WDR12: variants seen among roughly 807,000 people sequenced by gnomAD.
WDR12 encodes the protein WD repeat domain 12, also known as ribosome biogenesis protein WDR12.
Under a neutral mutation model 64.3 loss-of-function variants are expected in WDR12, and 42 were observed. The ratio of observed to expected loss-of-function variants is 0.65; its 90% confidence interval spans 0.51 to 0.84. The LOEUF (loss-of-function observed/expected upper bound fraction) is 0.84, where lower values mean the gene tolerates loss of function less well. Ranked by LOEUF, WDR12 falls within the 40% of genes least tolerant of loss-of-function variation. WDR12 has a pLI of 0.00. For synonymous variants in WDR12, 158 were observed against 173.3 expected (o/e 0.91, Z 0.70); for missense variants, 469 against 494.6 (o/e 0.95, Z 0.49).
chr2:202,899,603 T>A lies in WDR12; in HGVS notation c.266A>T (p.Tyr89Phe). Residue 89 changes from tyrosine to phenylalanine, a missense_variant, in exon 4 of 13, where the codon TAT (tyrosine) becomes TTT (phenylalanine). Physicochemically the swap from Tyr to Phe is conservative, Grantham distance 22. Transcript: ENST00000261015. ...GCATTGCTCTGGCTGGGGTGCAGTA[T>A]ACTTCTCCACGTATTCTATTTCCAC... ...EVVEIEYVEK[Y>F]TAPQPEQCMF... is the part of the protein sequence containing the mutation. 1 of 1,614,182 alleles carries A rather than the reference T, an allele frequency of 6.2e-7. No individual in the cohort carries two copies. Among genetic ancestry groups the A allele is most frequent in the Non-Finnish European group, 8.5e-7 (1 of 1,180,006 alleles).
In WDR12 at chr2:202,900,972, C is replaced by T. The variant is rs369823642; in HGVS notation, c.231+53G>A. The T allele has an allele frequency of 3.6e-4, 531 of 1,464,836 alleles. 4 individuals are homozygous for T. In the African/African-American group the frequency reaches 6.6e-3, roughly 18 times the overall value. 90.7% of individuals were successfully genotyped at this position (1,464,836 alleles called of 1,614,324 possible). A position where few individuals can be genotyped will look rare whatever the true frequency, so the allele number is the denominator to read the frequency against. ...TGTGATTCTAAAAGGAGTTTACCTA[C>T]AATAGCCGATAATGCCTCAAGTGAA... On this transcript the variant is annotated intron_variant, in intron 3 of 12. Coordinates refer to ENST00000261015, the MANE Select transcript of WDR12 (RefSeq NM_018256.4).
In WDR12 at chr2:202,901,620, C is replaced by T. The variant is rs115500642; in HGVS notation, c.137-501G>A. 3.2e-3 allele frequency among the ~76,000 whole-genome samples: 488 copies of T among 152,308 alleles called. 4 individuals carry two copies. Among genetic ancestry groups the T allele is most frequent in the African/African-American group, 0.011 (470 of 41,564 alleles). ...ACAGTGAGCTTTCAAAAATCAGCATCCATAATCCATACATTATATTTGATT... is the reference window on the plus strand; with the variant it reads ...ACAGTGAGCTTTCAAAAATCAGCATTCATAATCCATACATTATATTTGATT... On this transcript the variant is annotated intron_variant, in intron 2 of 12. Transcript: ENST00000261015.
At chr2:202,884,145 G>A (rs1688003744) in intron 10 of WDR12, 53 bp downstream of exon 10, 5 of 1,558,702 alleles carry the variant, frequency 3.2e-6, no homozygotes, top group Non-Finnish European at 3.5e-6. Context: ...CCAGAGAGAT[G>A]AGAAATAGAT....
At chr2:202,909,780 T>C (rs1014415618) in intron 1 of WDR12, among the ~76,000 whole-genome samples, 1 of 151,508 alleles carries the variant, frequency 6.6e-6, no homozygotes, top group African/African-American at 2.4e-5. Context: ...AGCAAGAATT[T>C]TATTATTTAT....
At chr2:202,904,138 C>CAA (rs34378996) in intron 2 of WDR12, among the ~76,000 whole-genome samples, 12 of 38,526 alleles carry the variant, frequency 3.1e-4, no homozygotes, top group South Asian at 1.1e-3. Context: ...AACTCTGTCT[C>CAA]AAAAAAAAAA....
rs775125897 is a variant in WDR12, at chr2:202,901,050, T to C, written c.206A>G (p.His69Arg). 1 of 1,594,848 alleles carries C rather than the reference T, an allele frequency of 6.3e-7. No individual in the cohort carries two copies. The highest frequency in any genetic ancestry group is 8.6e-7 in the Non-Finnish European group (1 of 1,166,662). The change falls in exon 3 of 13, where the codon CAC becomes CGC. Residue 69 changes from histidine to arginine, a missense_variant. Transcript: ENST00000261015. ...TGATGAGATGTTCTCCATTTCCATGTGTTTGTCCAAGGGCATTCGCAGAAA... is the reference window on the plus strand; with the variant it reads ...TGATGAGATGTTCTCCATTTCCATGCGTTTGTCCAAGGGCATTCGCAGAAA... ...GQFLRMPLDK[H>R]MEMENISSEE...
In WDR12 at chr2:202,894,593, T is replaced by A. The variant is rs1389505742; in HGVS notation, c.643A>T (p.Ile215Phe). The change falls in exon 7 of 13, where the codon ATC becomes TTC. Residue 215 changes from isoleucine (I) to phenylalanine (F), a missense_variant. Ile to Phe is a conservative substitution (Grantham distance 21). Coordinates refer to ENST00000261015, the MANE Select transcript of WDR12 (RefSeq NM_018256.4). ...CSGSWDKMLK[I>F]WSTVPTDEED... The stretch of plus-strand genomic sequence containing the variant: ...ATATTTAATTTACCTGTAGACCAGA[T>A]CTTTAGCATCTTATCCCAGGAGCCA... The A allele has an allele frequency of 6.2e-7, 1 of 1,606,606 alleles. No individual in the cohort carries two copies. Among genetic ancestry groups the A allele is most frequent in the Non-Finnish European group, 8.5e-7 (1 of 1,177,014 alleles).
intron 8 of WDR12, among the ~76,000 whole-genome samples, chr2:202,891,994 A>G (rs1688164540): frequency 1.3e-5 from 2 of 152,214 alleles, no homozygotes; most frequent in African/African-American, 4.8e-5. Flanking sequence ...AATGTACAGC[A>G]TGGGTGGTGA....
intron 1 of WDR12, 105 bp downstream of exon 1, chr2:202,911,331 G>C (rs759056846): frequency 3.6e-6 from 4 of 1,105,736 alleles, no homozygotes; most frequent in Admixed American, 1.8e-5. Context: ...TCAGAAAAAA[G>C]GGTGGGGGTG....
chr2:202,883,634 T>C lies in WDR12; in HGVS notation c.1096A>G (p.Ile366Val). 2 of 1,614,076 alleles carry C rather than the reference T, an allele frequency of 1.2e-6. No homozygotes were observed. The highest frequency in any genetic ancestry group is 8.5e-7 in the Non-Finnish European group (1 of 1,180,000). Residue 366 changes from isoleucine (I) to valine (V), a missense_variant, in exon 11 of 13, where the codon ATT becomes GTT. By Grantham distance (29) the Ile-to-Val change is conservative (BLOSUM62 3). Coordinates refer to ENST00000261015, the MANE Select transcript of WDR12 (RefSeq NM_018256.4). ...QQLISGSLDN[I>V]VKLWDTRSCK... ...CTTCTTGTATCCCACAGCTTAACAA[T>C]GTTATCTAAAGATCCTGAAATCAGC... is the stretch of plus-strand genomic sequence containing the variant.
chr2:202,887,074 G>C (rs951905283), intron 8 of WDR12, among the ~76,000 whole-genome samples: 10 of 152,138 alleles, frequency 6.6e-5, no homozygotes, highest in African/African-American at 2.4e-4. Context: ...GCCCAGGCTA[G>C]AGTGCAATGC....
intron 8 of WDR12, among the ~76,000 whole-genome samples, chr2:202,886,032 G>C (rs1688040662): frequency 1.3e-5 from 2 of 152,054 alleles, no homozygotes; most frequent in Admixed American, 1.3e-4. Context: ...ACTCCAGCCA[G>C]GCCCACTCCT....
chr2:202,890,062 AC>A (rs1688122988), intron 8 of WDR12, among the ~76,000 whole-genome samples: 1 of 151,530 alleles, frequency 6.6e-6, no homozygotes, highest in Non-Finnish European at 1.5e-5. Context: ...CCCAATATCT[AC>A]AAAAAAAAAG....
rs1239322500 is a variant in WDR12 at position 202,911,426 on chromosome 2, G to C, written c.41+10C>G. ...TGGGGAAGGGAGAGAAGGCTGGAAC[G>C]CTTACTTACTTCTTGTTATCAGTGT... On this transcript the variant is annotated intron_variant, in intron 1 of 12. Transcript: ENST00000261015. The C allele has an allele frequency of 1.1e-5, 17 of 1,613,812 alleles. No individual in the cohort carries two copies. The highest frequency in any genetic ancestry group is 1.4e-5 in the Non-Finnish European group (16 of 1,179,850).
At chr2:202,882,587 C>A in intron 12 of WDR12, 124 bp downstream of exon 12, 1 of 919,080 alleles carries the variant, frequency 1.1e-6, no homozygotes, top group Non-Finnish European at 1.7e-6. Context: ...CTTGGCCTCC[C>A]AAAGTGCTGC....
Position 202,877,020 on chromosome 2 carries a change from T to C in WDR12, c.*3840A>G, listed in dbSNP as rs1402921851. ...TATATATAGTAAACTGTTACCTTTT[T>C]TTCAAAACTACGATACATCAAAAGA... is the stretch of plus-strand genomic sequence containing the variant. On this transcript the variant is annotated 3_prime_UTR_variant, in exon 13 of 13. Coordinates refer to ENST00000261015, the MANE Select transcript of WDR12 (RefSeq NM_018256.4). 6.6e-6 allele frequency: 1 copy of C among 152,100 alleles called. No individual in the cohort carries two copies. The highest frequency in any genetic ancestry group is 1.5e-5 in the Non-Finnish European group (1 of 68,026). The allele number at this position is 152,100 out of a possible 1,614,324, so 9.4% of individuals were successfully genotyped here. A position where few individuals can be genotyped will look rare whatever the true frequency, so the allele number is the denominator to read the frequency against.
intron 4 of WDR12, among the ~76,000 whole-genome samples, 199 bp downstream of exon 4, chr2:202,899,332 C>T (rs1311252911): frequency 6.6e-6 from 1 of 152,180 alleles, no homozygotes; most frequent in East Asian, 1.9e-4. Context: ...GCATGAGCCA[C>T]TGCACCCAGC....
intron 2 of WDR12, among the ~76,000 whole-genome samples, chr2:202,903,047 C>T (rs1224748209): frequency 6.6e-6 from 1 of 152,032 alleles, no homozygotes; most frequent in Non-Finnish European, 1.5e-5. Context: ...CCACTGCACT[C>T]CAGCCTGGGC....
intron 2 of WDR12, among the ~76,000 whole-genome samples, chr2:202,905,668 C>T (rs1204556502): frequency 6.6e-6 from 1 of 152,156 alleles, no homozygotes; most frequent in Non-Finnish European, 1.5e-5. Context: ...TACTTCTACA[C>T]AATGGAGTAC....
Sources: allele counts gnomAD v4.1 joint callset (sites outside exome capture counted in the v4.1 genomes callset), GRCh38; gene constraint gnomAD v4.1.1; transcripts MANE v1.5; gene names NCBI Gene and HGNC (gene_info 2026-07-23, HGNC 2026-07-21).